The following GPC6 variants were observed in gnomAD, a reference collection of about 807,000 sequenced individuals.
GPC6 encodes glypican-6.
GPC6 carries 14 observed loss-of-function variants against 55.2 expected under a neutral mutation model. The ratio of observed to expected loss-of-function variants is 0.25; its 90% CI spans 0.17 to 0.40. The LOEUF (loss-of-function observed/expected upper bound fraction) is 0.40. Ranked by LOEUF, GPC6 falls within the 10% of genes least tolerant of loss-of-function variation. The pLI, the probability that GPC6 is intolerant of heterozygous loss-of-function variation, is 1.00. For synonymous variants in GPC6, 278 were observed against 259.6 expected (o/e 1.07, Z -0.68); for missense variants, 641 against 708.5 (o/e 0.90, Z 1.08).
At chr13:93,277,408 C>T (rs1007634911) in intron 1 of GPC6, among the ~76,000 whole-genome samples, 4 of 152,148 alleles carry the variant, frequency 2.6e-5, no homozygotes, top group Non-Finnish European at 4.4e-5. Context: ...TATAAATTGC[C>T]AGACACTATA....
At chr13:93,794,384 C>A in intron 2 of GPC6, among the ~76,000 whole-genome samples, 1 of 152,200 alleles carries the variant, frequency 6.6e-6, no homozygotes, top group Admixed American at 6.5e-5. Flanking sequence ...TGGGGCCCAG[C>A]AATCTGGTTT....
chr13:93,668,898 A>G (rs909077190), intron 2 of GPC6, among the ~76,000 whole-genome samples: 4 of 152,228 alleles, frequency 2.6e-5, no homozygotes, highest in Non-Finnish European at 4.4e-5. Flanking sequence ...AGATACATGT[A>G]ATGGATTTCA....
At chr13:93,849,908 GAAAT>G (rs1248977526) in intron 3 of GPC6, among the ~76,000 whole-genome samples, 1 of 151,414 alleles carries the variant, frequency 6.6e-6, no homozygotes, top group African/African-American at 2.4e-5. Flanking sequence ...AGAAAGGAAA[GAAAT>G]AAAGGGAGAA....
intron 2 of GPC6, among the ~76,000 whole-genome samples, chr13:93,825,867 T>TC (rs1887220703): frequency 6.9e-6 from 1 of 145,972 alleles, no homozygotes. Context: ...TTTCTTTTTT[T>TC]TTTTTTTTTT....
At chr13:93,702,880 T>C (rs973306886) in intron 2 of GPC6, among the ~76,000 whole-genome samples, 2 of 152,160 alleles carry the variant, frequency 1.3e-5, no homozygotes, top group African/African-American at 4.8e-5. Flanking sequence ...GGAAATGCTG[T>C]GGCTGGTTTG....
chr13:94,100,689 T>A (rs914170928), intron 4 of GPC6, among the ~76,000 whole-genome samples: 6 of 152,220 alleles, frequency 3.9e-5, no homozygotes, highest in Admixed American at 3.9e-4. Flanking sequence ...CCGGTTAAAA[T>A]CTATGTTTCC....
intron 3 of GPC6, among the ~76,000 whole-genome samples, chr13:93,994,103 A>G (rs1881432024): frequency 6.6e-6 from 1 of 152,210 alleles, no homozygotes; most frequent in Non-Finnish European, 1.5e-5. Flanking sequence ...AAGAATTCTC[A>G]TGGGAGAGAA....
chr13:93,757,588 C>T (rs1203225674), intron 2 of GPC6, among the ~76,000 whole-genome samples: 1 of 152,184 alleles, frequency 6.6e-6, no homozygotes, highest in Non-Finnish European at 1.5e-5. Context: ...TTATTCCTAT[C>T]TGTGAGTCCT....
chr13:93,939,468 G>T (rs193130756), intron 3 of GPC6, among the ~76,000 whole-genome samples: 1 of 143,488 alleles, frequency 7.0e-6, no homozygotes, highest in African/African-American at 2.5e-5. Flanking sequence ...AATTTTGGCA[G>T]CCTGTATTAT....
intron 2 of GPC6, among the ~76,000 whole-genome samples, chr13:93,804,166 T>G (rs1382871778): frequency 6.6e-6 from 1 of 152,142 alleles, no homozygotes; most frequent in Admixed American, 6.6e-5. Flanking sequence ...TTTCTGGGTT[T>G]CTGATGGAAT....
intron 1 of GPC6, among the ~76,000 whole-genome samples, chr13:93,453,094 C>T (rs1327596390): frequency 6.6e-6 from 1 of 152,164 alleles, no homozygotes; most frequent in Non-Finnish European, 1.5e-5. Flanking sequence ...ATGGAGCCTT[C>T]AAAACATTTG....
intron 3 of GPC6, among the ~76,000 whole-genome samples, chr13:93,917,545 G>A (rs534765237): frequency 2.6e-5 from 4 of 152,358 alleles, no homozygotes; most frequent in African/African-American, 9.6e-5. Context: ...GCTGAGTTTA[G>A]TGAAGAAATG....
At chr13:93,325,770 A>C (rs1248175859) in intron 1 of GPC6, among the ~76,000 whole-genome samples, 3 of 152,112 alleles carry the variant, frequency 2.0e-5, no homozygotes, top group Admixed American at 6.6e-5. Flanking sequence ...TGTGGGTGGG[A>C]GTGGAGCATC....
chr13:93,767,819 C>T (rs115062430), intron 2 of GPC6, among the ~76,000 whole-genome samples: 2,533 of 152,252 alleles, frequency 0.017, 66 homozygotes, highest in African/African-American at 0.058. Context: ...ACTTTCAACT[C>T]ATGCATGTAT....
At chr13:93,516,984 T>C (rs943873030) in intron 1 of GPC6, among the ~76,000 whole-genome samples, 3 of 152,188 alleles carry the variant, frequency 2.0e-5, no homozygotes, top group Admixed American at 6.6e-5. Flanking sequence ...ACATGTTCTA[T>C]GCCAGGCATT....
At chr13:93,377,159 T>C (rs921356944) in intron 1 of GPC6, among the ~76,000 whole-genome samples, 2 of 152,202 alleles carry the variant, frequency 1.3e-5, no homozygotes, top group South Asian at 4.1e-4. Context: ...TATTTCTCAG[T>C]AGCTCTGGAG....
chr13:93,648,046 G>C (rs1030180447), intron 2 of GPC6, among the ~76,000 whole-genome samples: 21 of 152,100 alleles, frequency 1.4e-4, no homozygotes, highest in African/African-American at 4.8e-4. Flanking sequence ...AAATGGTTCA[G>C]GGATGGCATT....
chr13:93,537,786 G>A (rs1018139237), intron 1 of GPC6, among the ~76,000 whole-genome samples: 1 of 152,046 alleles, frequency 6.6e-6, no homozygotes, highest in Non-Finnish European at 1.5e-5. Context: ...GAGTTGTTAA[G>A]CATTTCCTTC....
rs1555306602 is a variant in GPC6 at position 93,510,971 on chromosome 13, G to GTATATATATATATGTGTATATATATA, written c.161-34291_161-34290insATATATATATATGTGTATATATATAT. ...GAGAAATATATATATATATATATAT[G>GTATATATATATATGTGTATATATATA]TGTATATATATATGTGTATATATAT... On this transcript the variant is annotated intron_variant, in intron 1 of 8. Transcript: ENST00000377047. Among the ~76,000 whole-genome samples, 6 of 69,786 alleles carry GTATATATATATATGTGTATATATATA rather than the reference G, an allele frequency of 8.6e-5. 1 individual carries two copies. Among genetic ancestry groups the GTATATATATATATGTGTATATATATA allele is most frequent in the African/African-American group, 2.4e-4 (5 of 20,566 alleles). 45.8% of individuals were successfully genotyped at this position (69,786 alleles called of 152,430 possible).
Sources: gnomAD v4.1 joint callset for allele counts (sites outside exome capture counted in the v4.1 genomes callset) on GRCh38, gnomAD v4.1.1 for gene constraint, MANE v1.5 for transcripts, NCBI Gene and HGNC (gene_info 2026-07-23, HGNC 2026-07-21) for gene names.